Variants in ELMO2 observed in about 807,000 individuals in gnomAD.
ELMO2 encodes engulfment and cell motility protein 2.
In ELMO2, 37 loss-of-function variants were observed where a neutral mutation model predicts 96.2. That is an observed-to-expected ratio of 0.38 (90% CI 0.30 to 0.51). ELMO2 has a LOEUF of 0.51. ELMO2 is among the 20% of genes least tolerant of loss of function. The probability of loss-of-function intolerance (pLI) is 0.88; values close to 1 mark genes in which losing one functional copy is unlikely to be tolerated. For synonymous variants in ELMO2, 315 were observed against 329.4 expected, an observed-to-expected ratio of 0.96 and a Z score of 0.47; for missense variants, 561 against 912.6, an observed-to-expected ratio of 0.61 and a Z score of 4.96.
At chr20:46,387,653 A>AAAAAAT (rs55680714) in intron 7 of ELMO2, 4 of 211,502 alleles carry the variant, frequency 1.9e-5, no homozygotes, top group East Asian at 1.0e-4. Flanking sequence ...AAAAAAAAAA[A>AAAAAAT]TGTTGCTGGG....
chr20:46,369,003 A>G (rs1237105913), intron 20 of ELMO2, 35 bp from the exon 21 acceptor site: 2 of 1,603,416 alleles, frequency 1.2e-6, no homozygotes, highest in African/African-American at 2.7e-5. Flanking sequence ...GAGCGATGGA[A>G]CAGCCTGGGG....
At chr20:46,378,000 A>G (rs1000758817) in intron 11 of ELMO2, among the ~76,000 whole-genome samples, 1 of 152,048 alleles carries the variant, frequency 6.6e-6, no homozygotes, top group Admixed American at 6.6e-5. Flanking sequence ...ACCTTCGTCT[A>G]TCCTATTCCT....
chr20:46,374,804 G>C (rs966026577), intron 13 of ELMO2, among the ~76,000 whole-genome samples, 164 bp from the exon 14 acceptor site: 4 of 152,136 alleles, frequency 2.6e-5, no homozygotes, highest in African/African-American at 9.7e-5. Flanking sequence ...GTGAGCTCTT[G>C]AGTGCTGGAC....
At chr20:46,386,336 G>T in intron 8 of ELMO2, 61 bp from the exon 9 acceptor site, 1 of 1,591,226 alleles carries the variant, frequency 6.3e-7, no homozygotes, top group Non-Finnish European at 8.6e-7. Context: ...TAGAAGCTTA[G>T]CATCTGATGC....
intron 1 of ELMO2, among the ~76,000 whole-genome samples, chr20:46,406,249 C>G (rs1739517037): frequency 6.6e-6 from 1 of 152,006 alleles, no homozygotes. Flanking sequence ...CTCCCTCCGA[C>G]CGCTGCCCAG....
At chr20:46,382,116 A>T (rs2059966914) in intron 10 of ELMO2, 4 of 1,148,244 alleles carry the variant, frequency 3.5e-6, no homozygotes, top group Non-Finnish European at 4.6e-6. Flanking sequence ...CATGCCCTGA[A>T]CATCTAGATC....
At position 46,375,503 on chromosome 20, in the gene ELMO2, A is replaced by G. The variant is rs754546515; in HGVS notation, c.931-133T>C. The stretch of plus-strand genomic sequence containing the variant: ...CCTTAGGAGGCATCACCTCTACCAC[A>G]GCAGGACAGAAATGGGCTTGGCTCA... On this transcript the variant is annotated intron_variant, in intron 12 of 21. Transcript: ENST00000290246. This position sits in a 1 kb window ranked among gnomAD's most constrained non-coding sequence, Gnocchi z 4.6. 16 of 1,481,146 alleles carry G rather than the reference A, an allele frequency of 1.1e-5. No individual in the cohort carries two copies. The highest frequency in any genetic ancestry group is 4.2e-5 in the African/African-American group (3 of 71,674). The allele number at this position is 1,481,146 out of a possible 1,614,324, so 91.8% of individuals were successfully genotyped here.
At chr20:46,373,138 C>A in intron 16 of ELMO2, 1 of 463,772 alleles carries the variant, frequency 2.2e-6, no homozygotes, top group Non-Finnish European at 3.9e-6. Flanking sequence ...CTCCTGACCT[C>A]TCTGGAGGAC....
intron 9 of ELMO2, among the ~76,000 whole-genome samples, chr20:46,385,671 A>G (rs1443764266): frequency 6.6e-6 from 1 of 152,252 alleles, no homozygotes. Context: ...GTGAGCATTC[A>G]TTCAACAAGC....
At chr20:46,386,035 C>T in intron 9 of ELMO2, 89 bp downstream of exon 9, 1 of 1,442,346 alleles carries the variant, frequency 6.9e-7, no homozygotes, top group Admixed American at 2.1e-5. Flanking sequence ...GGAATATAAG[C>T]AAAGGAGAGT....
intron 1 of ELMO2, among the ~76,000 whole-genome samples, chr20:46,406,158 C>G (rs1431900498): frequency 6.6e-6 from 1 of 152,120 alleles, no homozygotes; most frequent in Non-Finnish European, 1.5e-5. Context: ...CGTGCGGGCC[C>G]GCCCCGAGCG....
In ELMO2 at chr20:46,367,336, G is replaced by A. The variant is rs1306716510; in HGVS notation, c.*24C>T. 2 of 1,460,978 alleles carry A rather than the reference G, an allele frequency of 1.4e-6. No homozygotes were observed. The highest frequency in any genetic ancestry group is 2.8e-5 in the South Asian group (2 of 70,212). 90.5% of individuals were successfully genotyped at this position (1,460,978 alleles called of 1,614,324 possible). ...CTGGGCCCAAAATCCCTTCTCCTGG[G>A]TACCGTCGTTTCTGGCTCCAGGCTC... On this transcript the variant is annotated 3_prime_UTR_variant, in exon 22 of 22. Coordinates refer to ENST00000290246, the MANE Select transcript of ELMO2 (RefSeq NM_133171.5).
rs1414231433 is a variant in ELMO2 at position 46,371,740 on chromosome 20, A to T, written c.1581-49T>A. On this transcript the variant is annotated intron_variant, in intron 17 of 21. Transcript: ENST00000290246. This position sits in a 1 kb window ranked among gnomAD's most constrained non-coding sequence, Gnocchi z 5.9. ...GAGCGGAAGGTCATGGGGACAGTGG[A>T]GCTCTGGAAGGAAAGCAGAGCTGGC... 1 of 1,613,756 alleles carries T rather than the reference A, an allele frequency of 6.2e-7. No homozygotes were observed. Among genetic ancestry groups the T allele is most frequent in the Non-Finnish European group, 8.5e-7 (1 of 1,179,856 alleles).
At chr20:46,389,366 GTT>G (rs199726987) in intron 6 of ELMO2, 146 bp from the exon 7 acceptor site, 8,685 of 776,890 alleles carry the variant, frequency 0.011, 79 homozygotes, top group Admixed American at 0.014. Flanking sequence ...CTAAATAAAT[GTT>G]TGTGGAATCA....
At chr20:46,397,653 G>A (rs2060269446) in intron 2 of ELMO2, among the ~76,000 whole-genome samples, 2 of 151,966 alleles carry the variant, frequency 1.3e-5, no homozygotes, top group African/African-American at 4.8e-5. Flanking sequence ...CCTGGGCGAC[G>A]GAATGAGACT....
chr20:46,386,043 A>G (rs2060034862), intron 9 of ELMO2, 81 bp downstream of exon 9: 1 of 1,478,232 alleles, frequency 6.8e-7, no homozygotes, highest in Non-Finnish European at 9.2e-7. Context: ...AGCAAAGGAG[A>G]GTAGGATTGG....
chr20:46,382,307 A>C (rs1600848808), intron 10 of ELMO2: 1 of 1,274,652 alleles, frequency 7.8e-7, no homozygotes. Flanking sequence ...ACATTCAAAC[A>C]AGGACCGGGA....
intron 11 of ELMO2, among the ~76,000 whole-genome samples, chr20:46,376,434 C>T (rs1455035202): frequency 1.3e-5 from 2 of 152,040 alleles, no homozygotes; most frequent in Non-Finnish European, 2.9e-5. Flanking sequence ...TCCTGACTCT[C>T]CCTCCCCACT....
chr20:46,395,549 G>A (rs2060228851), intron 2 of ELMO2, among the ~76,000 whole-genome samples: 1 of 152,168 alleles, frequency 6.6e-6, no homozygotes, highest in Non-Finnish European at 1.5e-5. Flanking sequence ...TGCCTCTCCT[G>A]GCGTACAAAG....
Sources: allele counts gnomAD v4.1 joint callset (sites outside exome capture counted in the v4.1 genomes callset), GRCh38; gene constraint gnomAD v4.1.1; non-coding constraint Gnocchi (gnomAD v3.1); transcripts MANE v1.5; gene names NCBI Gene and HGNC (gene_info 2026-07-23, HGNC 2026-07-21).